The following CNKSR2 variants were observed in gnomAD, a reference collection of about 807,000 sequenced individuals.
CNKSR2 encodes CNK homolog protein 2.
A neutral mutation model predicts 84.4 loss-of-function variants in CNKSR2; 14 were observed. The ratio of observed to expected loss-of-function variants is 0.17; its 90% CI spans 0.11 to 0.26. The LOEUF (loss-of-function observed/expected upper bound fraction) is 0.26, where lower values mean the gene tolerates loss of function less well. CNKSR2 is among the 10% of genes least tolerant of loss of function. CNKSR2 has a pLI of 1.00. For missense variants in CNKSR2, 485 were observed against 771.2 expected (o/e 0.63, Z 4.40); for synonymous variants, 275 against 277.9 (o/e 0.99, Z 0.10).
rs773348281 is a variant in CNKSR2 at position 21,468,312 on chromosome X, A to T, written c.520-2454A>T. 3.3e-3 allele frequency among the ~76,000 whole-genome samples: 364 copies of T among 111,528 alleles called. 2 individuals carry two copies. The highest frequency in any genetic ancestry group is 0.011 in the African/African-American group (336 of 30,822). Reference sequence around the variant, plus strand: ...AATATTACTAACTATATTTAGATATAGGTAGCACATTTAAAATGTAATATT... The same window carrying T: ...AATATTACTAACTATATTTAGATATTGGTAGCACATTTAAAATGTAATATT... On this transcript the variant is annotated intron_variant, in intron 4 of 21. Transcript: ENST00000379510.
chrX:21,451,169 T>G (rs2090922791), intron 4 of CNKSR2, among the ~76,000 whole-genome samples: 1 of 111,880 alleles, frequency 8.9e-6, no homozygotes, highest in African/African-American at 3.2e-5. Context: ...AAATTCAGAT[T>G]ATAGAGTGTA....
chrX:21,522,061 T>G (rs927592809), intron 9 of CNKSR2, among the ~76,000 whole-genome samples: 4 of 111,291 alleles, frequency 3.6e-5, no homozygotes, highest in African/African-American at 1.3e-4. Flanking sequence ...ATATGTGAAT[T>G]CTTGCTGCTT....
chrX:21,450,259 G>A (rs1177084039), intron 4 of CNKSR2, among the ~76,000 whole-genome samples: 1 of 111,702 alleles, frequency 9.0e-6, no homozygotes, highest in Admixed American at 9.5e-5. Flanking sequence ...AACAGATATG[G>A]ATTCTATGGA....
chrX:21,397,334 A>C (rs948254769), intron 1 of CNKSR2, among the ~76,000 whole-genome samples: 1 of 111,649 alleles, frequency 9.0e-6, no homozygotes, highest in African/African-American at 3.2e-5. Context: ...CATGCACCTA[A>C]AACTCTTAAG....
At chrX:21,451,986 A>ACTGCCT (rs755928772) in intron 4 of CNKSR2, among the ~76,000 whole-genome samples, 2 of 112,176 alleles carry the variant, frequency 1.8e-5, no homozygotes, top group South Asian at 7.5e-4. Flanking sequence ...GAATTAACTC[A>ACTGCCT]CTGCCTCTTC....
chrX:21,401,748 A>T (rs924212895), intron 1 of CNKSR2, among the ~76,000 whole-genome samples: 3 of 111,885 alleles, frequency 2.7e-5, no homozygotes, highest in African/African-American at 9.7e-5. Flanking sequence ...GAAGGAACAA[A>T]GAAACAGAAA....
At chrX:21,387,471 G>A (rs1276271352) in intron 1 of CNKSR2, among the ~76,000 whole-genome samples, 1 of 111,640 alleles carries the variant, frequency 9.0e-6, no homozygotes, top group East Asian at 2.8e-4. Flanking sequence ...GATAGAGTGA[G>A]ACCTTGTCTC....
chrX:21,435,956 A>G (rs2090698705), intron 3 of CNKSR2, among the ~76,000 whole-genome samples: 1 of 111,507 alleles, frequency 9.0e-6, no homozygotes, highest in African/African-American at 3.3e-5. Context: ...TTTAAGGCAT[A>G]AGAGTTTAAG....
At chrX:21,621,652 C>T (rs2092602283) in intron 20 of CNKSR2, among the ~76,000 whole-genome samples, 2 of 110,682 alleles carry the variant, frequency 1.8e-5, no homozygotes, top group South Asian at 7.5e-4. Flanking sequence ...TTATATAGAT[C>T]CACCTAATAG....
At chrX:21,551,307 A>G (rs892060475) in intron 11 of CNKSR2, among the ~76,000 whole-genome samples, 1 of 112,094 alleles carries the variant, frequency 8.9e-6, no homozygotes, top group African/African-American at 3.2e-5. Flanking sequence ...TGGCACGTGC[A>G]TACCTATGTA....
intron 5 of CNKSR2, among the ~76,000 whole-genome samples, chrX:21,472,449 G>T (rs750522582): frequency 9.0e-6 from 1 of 111,536 alleles, no homozygotes; most frequent in Non-Finnish European, 1.9e-5. Context: ...TTCATGCATT[G>T]GCTGCTACGA....
intron 20 of CNKSR2, among the ~76,000 whole-genome samples, chrX:21,626,434 A>G (rs911541332): frequency 5.4e-5 from 6 of 111,495 alleles, no homozygotes; most frequent in African/African-American, 1.6e-4. Context: ...AGAACATGAT[A>G]GAGAGCTTCG....
intron 1 of CNKSR2, among the ~76,000 whole-genome samples, chrX:21,410,884 TTG>T (rs1160165845): frequency 9.5e-5 from 10 of 105,620 alleles, no homozygotes; most frequent in African/African-American, 1.7e-4. Flanking sequence ...AAATGTGTGT[TTG>T]TGTGTGTGTG....
At chrX:21,631,053 G>A (rs2092645865) in intron 20 of CNKSR2, among the ~76,000 whole-genome samples, 1 of 110,469 alleles carries the variant, frequency 9.1e-6, no homozygotes, top group African/African-American at 3.3e-5. Flanking sequence ...AAACTGGCTG[G>A]GCCCAGTGGC....
At chrX:21,459,860 C>A (rs1386655520) in intron 4 of CNKSR2, among the ~76,000 whole-genome samples, 2 of 111,192 alleles carry the variant, frequency 1.8e-5, no homozygotes, top group African/African-American at 6.5e-5. Context: ...TCAACTACTC[C>A]ATCTCCATTA....
chrX:21,486,103 A>G (rs7878111), intron 5 of CNKSR2, among the ~76,000 whole-genome samples: 22,339 of 111,436 alleles, frequency 0.2, 5,328 homozygotes, highest in African/African-American at 0.68. Context: ...CAGCCTGGGC[A>G]ACAGATCGAG....
At chrX:21,409,274 ATATAT>A (rs2090310594) in intron 1 of CNKSR2, among the ~76,000 whole-genome samples, 1 of 48,233 alleles carries the variant, frequency 2.1e-5, no homozygotes, top group Admixed American at 3.0e-4. Context: ...ATATATATAT[ATATAT>A]GTCTGTCAGA....
chrX:21,384,258 C>T (rs1209620609), intron 1 of CNKSR2, among the ~76,000 whole-genome samples: 2 of 111,199 alleles, frequency 1.8e-5, no homozygotes, highest in East Asian at 2.8e-4. Context: ...GGGCTAGGTG[C>T]TCTTTCCCCA....
chrX:21,462,564 T>G (rs964948512), intron 4 of CNKSR2, among the ~76,000 whole-genome samples: 1 of 111,407 alleles, frequency 9.0e-6, no homozygotes, highest in African/African-American at 3.3e-5. Context: ...GGACTTCCAG[T>G]ACTATGTTGA....
Sources: allele counts gnomAD v4.1 joint callset (sites outside exome capture counted in the v4.1 genomes callset), GRCh38; gene constraint gnomAD v4.1.1; transcripts MANE v1.5; gene names NCBI Gene and HGNC (gene_info 2026-07-23, HGNC 2026-07-21).